MEGF11: variants seen among roughly 807,000 people sequenced by gnomAD.
MEGF11 encodes the protein multiple EGF like domains 11, also known as multiple epidermal growth factor-like domains protein 11.
MEGF11 carries 126 observed loss-of-function variants against 146.6 expected under a neutral mutation model. The observed-to-expected ratio is 0.86, with a 90% CI of 0.74 to 1.00. The LOEUF (loss-of-function observed/expected upper bound fraction) is 1.00. Ranked by LOEUF, MEGF11 falls within the 50% of genes least tolerant of loss-of-function variation. The pLI, the probability that MEGF11 is intolerant of heterozygous loss-of-function variation, is 0.00. For synonymous variants in MEGF11, 532 were observed against 583.4 expected, an observed-to-expected ratio of 0.91 and a Z score of 1.27; for missense variants, 1,509 against 1,521.2, an observed-to-expected ratio of 0.99 and a Z score of 0.13.
chr15:66,163,000 G>A (rs560841449), intron 1 of MEGF11, among the ~76,000 whole-genome samples: 1 of 152,038 alleles, frequency 6.6e-6, no homozygotes, highest in Non-Finnish European at 1.5e-5. Context: ...AGGTATATTC[G>A]ATCCTGCAAC....
rs777221341 is a variant in MEGF11, at chr15:65,957,523, C to A, written c.1287+24G>T. On this transcript the variant is annotated intron_variant, in intron 10 of 25. Coordinates refer to ENST00000395614, the MANE Select transcript of MEGF11 (RefSeq NM_001385028.1). ...CTGGCCCGGTGGAGGTCAGGAAGGC[C>A]ACGGGAGGCCCCTCCCATCTTACCA... is the stretch of plus-strand genomic sequence containing the variant. 3.1e-6 allele frequency: 5 copies of A among 1,606,414 alleles called. No individual in the cohort carries two copies. The East Asian group carries it at 6.7e-5, about 22-fold the overall frequency.
chr15:66,228,942 A>T (rs2091908002), intron 1 of MEGF11, among the ~76,000 whole-genome samples: 1 of 152,026 alleles, frequency 6.6e-6, no homozygotes, highest in African/African-American at 2.4e-5. Flanking sequence ...CTCTCTACAC[A>T]GCGCCCTCTC....
In MEGF11 at chr15:65,930,823, CT is replaced by C. The variant is rs752859593; in HGVS notation, c.1407del (p.Trp471GlyfsTer17). 10 of 1,605,418 alleles carry C rather than the reference CT, an allele frequency of 6.2e-6. No individual in the cohort carries two copies. Among genetic ancestry groups the C allele is most frequent in the Non-Finnish European group, 8.5e-6 (10 of 1,175,242 alleles). On this transcript the variant is annotated frameshift_variant and splice_region_variant, in exon 11 of 26. Coordinates refer to ENST00000395614, the MANE Select transcript of MEGF11 (RefSeq NM_001385028.1). LOFTEE classifies it high-confidence loss of function. ...GGGCTTGGGAGAGAGGGCACATTACCTTCCTTGCAGGTACAGGAGCCATCTA... is the reference window on the plus strand; with the variant it reads ...GGGCTTGGGAGAGAGGGCACATTACCTCCTTGCAGGTACAGGAGCCATCTA... Reference protein sequence around the residue: ...SPVDGSCTCKEGWQGLDCTLP... With the variant: ...SPVDGSCTCKXGWQGLDCTLP...
At chr15:66,097,687 C>CAG (rs2086611925) in intron 4 of MEGF11, among the ~76,000 whole-genome samples, 1 of 150,512 alleles carries the variant, frequency 6.6e-6, no homozygotes, top group Admixed American at 6.6e-5. Flanking sequence ...CACCCTGCTT[C>CAG]AGTCCTGCTT....
intron 7 of MEGF11, among the ~76,000 whole-genome samples, chr15:65,973,117 C>CAAA (rs59330024): frequency 7.7e-6 from 1 of 130,484 alleles, no homozygotes; most frequent in Non-Finnish European, 1.6e-5. Context: ...AACTCTGTCT[C>CAAA]AAAAAAAAAA....
intron 7 of MEGF11, among the ~76,000 whole-genome samples, chr15:65,971,765 A>G (rs1163013103): frequency 6.6e-6 from 1 of 152,212 alleles, no homozygotes; most frequent in Non-Finnish European, 1.5e-5. Context: ...TAAAACATGA[A>G]CAGATGGCCA....
chr15:65,909,943 G>A (rs763604264), intron 21 of MEGF11, 137 bp from the exon 22 acceptor site: 118 of 753,548 alleles, frequency 1.6e-4, no homozygotes, highest in East Asian at 1.0e-3. Context: ...GAGAGAAAGG[G>A]CGAGCTAGGT....
chr15:65,935,905 C>T (rs945162847), intron 10 of MEGF11, among the ~76,000 whole-genome samples: 1 of 152,148 alleles, frequency 6.6e-6, no homozygotes, highest in African/African-American at 2.4e-5. Context: ...ATTGACTGGC[C>T]AGTCTCCGGT....
chr15:65,900,617 T>C (rs1020508802), intron 24 of MEGF11, among the ~76,000 whole-genome samples: 6 of 150,896 alleles, frequency 4.0e-5, no homozygotes, highest in Non-Finnish European at 7.4e-5. Context: ...AATAATTCTC[T>C]CTCTCCTTCT....
intron 14 of MEGF11, 89 bp downstream of exon 14, chr15:65,922,734 G>T: frequency 6.8e-7 from 1 of 1,475,288 alleles, no homozygotes; most frequent in Non-Finnish European, 9.2e-7. Context: ...CAAGAGCCCA[G>T]CCTCTCTCAG....
At chr15:65,930,171 G>A (rs966774086) in intron 11 of MEGF11, among the ~76,000 whole-genome samples, 2 of 152,330 alleles carry the variant, frequency 1.3e-5, no homozygotes, top group Admixed American at 1.3e-4. Flanking sequence ...TCTGCCCAGG[G>A]TGGAGTCTGG....
intron 5 of MEGF11, among the ~76,000 whole-genome samples, chr15:66,079,474 T>C (rs1247110002): frequency 1.3e-5 from 2 of 151,610 alleles, no homozygotes; most frequent in Non-Finnish European, 2.9e-5. Context: ...GTAAAAGGCA[T>C]GCAGTTGCTA....
intron 10 of MEGF11, among the ~76,000 whole-genome samples, chr15:65,947,150 T>C (rs2080223809): frequency 6.6e-6 from 1 of 152,200 alleles, no homozygotes; most frequent in South Asian, 2.1e-4. Context: ...ATATCCTTCA[T>C]TTTCCAGACA....
In MEGF11 at chr15:66,157,018, C is replaced by T. The variant is rs147409393; in HGVS notation, c.-8-28607G>A. On this transcript the variant is annotated intron_variant, in intron 1 of 25. Coordinates refer to ENST00000395614, the MANE Select transcript of MEGF11 (RefSeq NM_001385028.1). ...ACTGACCATGCTTTGTGGGGAAGCCCGGACTCAACCAGACCACCACTCCTC... is the reference window on the plus strand; with the variant it reads ...ACTGACCATGCTTTGTGGGGAAGCCTGGACTCAACCAGACCACCACTCCTC... Among the ~76,000 whole-genome samples, 6 of 152,236 alleles carry T rather than the reference C, an allele frequency of 3.9e-5. No homozygotes were observed. In the East Asian group the frequency reaches 7.7e-4, roughly 20 times the overall value.
At chr15:65,908,734 G>A (rs1043952951) in intron 23 of MEGF11, among the ~76,000 whole-genome samples, 12 of 152,208 alleles carry the variant, frequency 7.9e-5, no homozygotes, top group African/African-American at 2.9e-4. Flanking sequence ...TTTGAAAGGT[G>A]TAGGATTGTA....
chr15:66,241,842 T>C (rs12913724), intron 1 of MEGF11, among the ~76,000 whole-genome samples: 27,552 of 150,954 alleles, frequency 0.18, 2,616 homozygotes, highest in African/African-American at 0.22. Flanking sequence ...CAAAGACATA[T>C]ACAGACGTCC....
intron 5 of MEGF11, among the ~76,000 whole-genome samples, chr15:66,063,829 C>T (rs1407364848): frequency 1.3e-5 from 2 of 152,198 alleles, no homozygotes; most frequent in African/African-American, 2.4e-5. Flanking sequence ...GTTAAGAACC[C>T]ACTCTTTGTC....
chr15:65,977,939 C>T (rs183398855), intron 7 of MEGF11, among the ~76,000 whole-genome samples: 1 of 152,248 alleles, frequency 6.6e-6, no homozygotes, highest in East Asian at 1.9e-4. Flanking sequence ...GTCTCAGAGC[C>T]CAGAAAAAGA....
intron 1 of MEGF11, among the ~76,000 whole-genome samples, chr15:66,184,283 C>A (rs1398869797): frequency 6.6e-6 from 1 of 152,266 alleles, no homozygotes; most frequent in East Asian, 1.9e-4. Flanking sequence ...TTCCTCCCCA[C>A]GCATCCCACA....
Sources: gnomAD v4.1 joint callset for allele counts (sites outside exome capture counted in the v4.1 genomes callset) on GRCh38, gnomAD v4.1.1 for gene constraint, MANE v1.5 for transcripts, NCBI Gene and HGNC (gene_info 2026-07-23, HGNC 2026-07-21) for gene names.